Variants in GSTO2 observed in about 807,000 individuals in gnomAD.
GSTO2 encodes glutathione S-transferase omega-2.
Under a neutral mutation model 28.4 loss-of-function variants are expected in GSTO2, and 23 were observed. The ratio of observed to expected loss-of-function variants is 0.81; its 90% confidence interval spans 0.58 to 1.15. The LOEUF (loss-of-function observed/expected upper bound fraction) is 1.15, where lower values mean the gene tolerates loss of function less well. Ranked by LOEUF, GSTO2 falls within the 50% of genes most tolerant of loss-of-function variation. GSTO2 has a pLI of 0.00. For synonymous variants in GSTO2, 109 were observed against 111.0 expected (o/e 0.98, Z 0.11); for missense variants, 298 against 297.8 (o/e 1.00, Z 0.00).
At position 104,301,779 on chromosome 10, in the gene GSTO2, A is replaced by C. The variant is rs1220352596; in HGVS notation, c.*2495A>C. 1 of 152,034 alleles carries C rather than the reference A, an allele frequency of 6.6e-6. No homozygotes were observed. Among genetic ancestry groups the C allele is most frequent in the Non-Finnish European group, 1.5e-5 (1 of 68,012 alleles). The allele number at this position is 152,034 out of a possible 1,614,324, so 9.4% of individuals were successfully genotyped here. A position where few individuals can be genotyped will look rare whatever the true frequency, so the allele number is the denominator to read the frequency against. ...TAAATAATAGAGATGGGGTTTCGCT[A>C]TGTTGACCAGGCTGGTCTTGAACTC... is the stretch of plus-strand genomic sequence containing the variant. On this transcript the variant is annotated 3_prime_UTR_variant, in exon 7 of 7. Coordinates refer to ENST00000338595, the MANE Select transcript of GSTO2 (RefSeq NM_183239.2).
chr10:104,270,320 G>A (rs764100913), intron 1 of GSTO2, among the ~76,000 whole-genome samples: 9 of 152,202 alleles, frequency 5.9e-5, no homozygotes, highest in Non-Finnish European at 1.0e-4. Flanking sequence ...GCCTGTATCT[G>A]CCTTTTTGAC....
At chr10:104,279,073 T>A (rs116998616) in intron 4 of GSTO2, among the ~76,000 whole-genome samples, 1,995 of 152,288 alleles carry the variant, frequency 0.013, 18 homozygotes, top group South Asian at 0.024. Flanking sequence ...CACTGAGGCT[T>A]AGAGAGGTTG....
At chr10:104,282,955 T>C (rs973042703) in intron 5 of GSTO2, among the ~76,000 whole-genome samples, 2 of 151,980 alleles carry the variant, frequency 1.3e-5, no homozygotes, top group African/African-American at 4.8e-5. Flanking sequence ...ATTAGTGGGG[T>C]GGTGATAAAT....
intron 5 of GSTO2, among the ~76,000 whole-genome samples, chr10:104,286,915 A>C (rs540569804): frequency 3.2e-4 from 49 of 152,344 alleles, no homozygotes; most frequent in African/African-American, 1.2e-3. Context: ...AAGGAAAAAA[A>C]ATTATAATCC....
chr10:104,299,283 G>C lies in GSTO2; in HGVS notation c.731G>C (p.Ter244SerextTer40). 1 of 1,613,990 alleles carries C rather than the reference G, an allele frequency of 6.2e-7. No individual in the cohort carries two copies. The highest frequency in any genetic ancestry group is 8.5e-7 in the Non-Finnish European group (1 of 1,179,950). Residue 244 changes from the stop codon to serine (S), a stop_lost, in exon 7 of 7, where the codon TGA (stop) becomes TCA (serine). Coordinates refer to ENST00000338595, the MANE Select transcript of GSTO2 (RefSeq NM_183239.2). ...NPNAFDFGLC* is the reference protein window; with the variant it reads ...NPNAFDFGLCS ...AATGCCTTTGACTTTGGGCTGTGCT[G>C]AGTCTCACTGTCCACCCCTTCGCTG...
At chr10:104,272,226 T>TA (rs957983574) in intron 1 of GSTO2, among the ~76,000 whole-genome samples, 1 of 149,704 alleles carries the variant, frequency 6.7e-6, no homozygotes, top group African/African-American at 2.6e-5. Context: ...AACTTTTTTT[T>TA]AAAAAAAGGC....
chr10:104,292,865 C>A (rs1314974937), intron 5 of GSTO2, among the ~76,000 whole-genome samples: 3 of 152,172 alleles, frequency 2.0e-5, no homozygotes, highest in Admixed American at 6.5e-5. Context: ...AGATCTAACA[C>A]CCATTTTTCA....
At chr10:104,271,459 G>A (rs913918447) in intron 1 of GSTO2, among the ~76,000 whole-genome samples, 3 of 152,134 alleles carry the variant, frequency 2.0e-5, no homozygotes. Context: ...TATTTGATTC[G>A]ATACTCACAA....
intron 5 of GSTO2, chr10:104,295,269 G>A (rs1327521696): frequency 6.6e-6 from 1 of 152,306 alleles, no homozygotes. Context: ...GTCAGACCCT[G>A]CTGTTTTAGT....
At chr10:104,282,389 T>C (rs998553419) in intron 5 of GSTO2, among the ~76,000 whole-genome samples, 1 of 151,536 alleles carries the variant, frequency 6.6e-6, no homozygotes, top group Admixed American at 6.6e-5. Flanking sequence ...TCCATCTCTT[T>C]AAAAAATACA....
chr10:104,290,336 T>C (rs573677822), intron 5 of GSTO2, among the ~76,000 whole-genome samples: 61 of 151,982 alleles, frequency 4.0e-4, no homozygotes, highest in Non-Finnish European at 8.2e-4. Context: ...TGAAACCCTG[T>C]CTCTACTGAA....
rs2012802393 is a variant in GSTO2, at chr10:104,292,135, C to CAGGG, written c.469-5442_469-5439dup. On this transcript the variant is annotated intron_variant, in intron 5 of 6. Transcript: ENST00000338595. Reference sequence around the variant, plus strand: ...TTGCTTTGCTTGTTCATACAAAAGACAGGGGTTCTGAAAGTGAGGGATGCC... The same window carrying CAGGG: ...TTGCTTTGCTTGTTCATACAAAAGACAGGGAGGGGTTCTGAAAGTGAGGGATGCC... 2.0e-5 allele frequency among the ~76,000 whole-genome samples: 3 copies of CAGGG among 151,640 alleles called. No individual in the cohort carries two copies. The South Asian group carries it at 6.3e-4, about 32-fold the overall frequency.
intron 3 of GSTO2, among the ~76,000 whole-genome samples, chr10:104,277,166 T>A (rs1292359890): frequency 6.6e-6 from 1 of 152,232 alleles, no homozygotes; most frequent in African/African-American, 2.4e-5. Context: ...ACATTTACCA[T>A]ATTCTGTTGT....
rs2013309671 is a variant in GSTO2 at position 104,303,176 on chromosome 10, G to A, written c.*3892G>A. ...CATGTCCATGTGTTCTCATGATTTAGCTCCCACTTATAAGTGAGAACATGC... is the reference window on the plus strand; with the variant it reads ...CATGTCCATGTGTTCTCATGATTTAACTCCCACTTATAAGTGAGAACATGC... On this transcript the variant is annotated 3_prime_UTR_variant, in exon 7 of 7. Coordinates refer to ENST00000338595, the MANE Select transcript of GSTO2 (RefSeq NM_183239.2). 1 of 152,132 alleles carries A rather than the reference G, an allele frequency of 6.6e-6. No homozygotes were observed. The highest frequency in any genetic ancestry group is 1.5e-5 in the Non-Finnish European group (1 of 68,016). 9.4% of individuals were successfully genotyped at this position (152,132 alleles called of 1,614,324 possible).
In GSTO2 at chr10:104,297,699, A is replaced by G. The variant is rs1438687623; in HGVS notation, c.575+15A>G. The G allele has an allele frequency of 6.4e-7, 1 of 1,566,728 alleles. No homozygotes were observed. Among genetic ancestry groups the G allele is most frequent in the South Asian group, 1.1e-5 (1 of 89,982 alleles). On this transcript the variant is annotated intron_variant, in intron 6 of 6. Transcript: ENST00000338595. ...GGGATACTGGAGTAAGACATTTGAC[A>G]TTGTGGTGTTAAATTCCCGGAGTCA... is the stretch of plus-strand genomic sequence containing the variant.
chr10:104,294,532 A>C (rs1270409127), intron 5 of GSTO2, among the ~76,000 whole-genome samples: 1 of 152,112 alleles, frequency 6.6e-6, no homozygotes, highest in Non-Finnish European at 1.5e-5. Context: ...TTTTAGACTT[A>C]CCCTGCTTGA....
intron 1 of GSTO2, among the ~76,000 whole-genome samples, chr10:104,272,586 A>ATTTTT (rs1564841555): frequency 5.3e-5 from 3 of 56,930 alleles, no homozygotes; most frequent in South Asian, 6.5e-4. Flanking sequence ...CAGTTATGGG[A>ATTTTT]CTTTTTTTTT....
chr10:104,302,942 T>C lies in GSTO2; in HGVS notation c.*3658T>C, dbSNP rs1424098518. 1 of 152,254 alleles carries C rather than the reference T, an allele frequency of 6.6e-6. No individual in the cohort carries two copies. Among genetic ancestry groups the C allele is most frequent in the Non-Finnish European group, 1.5e-5 (1 of 68,048 alleles). The allele number at this position is 152,254 out of a possible 1,614,324, so 9.4% of individuals were successfully genotyped here. A position where few individuals can be genotyped will look rare whatever the true frequency, so the allele number is the denominator to read the frequency against. On this transcript the variant is annotated 3_prime_UTR_variant, in exon 7 of 7. Coordinates refer to ENST00000338595, the MANE Select transcript of GSTO2 (RefSeq NM_183239.2). Reference sequence around the variant, plus strand: ...GAACCATGAGCCAATTAAACCTCTTTTTAAAAACACTTTTATTTTAAGTTC... The same window carrying C: ...GAACCATGAGCCAATTAAACCTCTTCTTAAAAACACTTTTATTTTAAGTTC...
intron 5 of GSTO2, among the ~76,000 whole-genome samples, chr10:104,287,372 G>A (rs2012495992): frequency 6.6e-6 from 1 of 152,154 alleles, no homozygotes. Flanking sequence ...TATAAACTCT[G>A]TAAATGCTTA....
Sources: gnomAD v4.1 joint callset for allele counts (sites outside exome capture counted in the v4.1 genomes callset) on GRCh38, gnomAD v4.1.1 for gene constraint, MANE v1.5 for transcripts, NCBI Gene and HGNC (gene_info 2026-07-23, HGNC 2026-07-21) for gene names.